The following SLC25A48 variants were observed in gnomAD, a reference collection of about 807,000 sequenced individuals.
SLC25A48 encodes CTC-321K16.1.
SLC25A48 carries 29 observed loss-of-function variants against 32.2 expected under a neutral mutation model. The observed-to-expected ratio is 0.90, with a 90% CI of 0.67 to 1.23. SLC25A48 has a LOEUF of 1.23. SLC25A48 is among the 50% of genes most tolerant of loss of function. The pLI, the probability that SLC25A48 is intolerant of heterozygous loss-of-function variation, is 0.00. For synonymous variants in SLC25A48, 164 were observed against 172.3 expected, an observed-to-expected ratio of 0.95 and a Z score of 0.38; for missense variants, 399 against 422.7, an observed-to-expected ratio of 0.94 and a Z score of 0.49.
At chr5:135,773,389 A>G (rs1756465690) in intron 3 of SLC25A48, among the ~76,000 whole-genome samples, 1 of 150,508 alleles carries the variant, frequency 6.6e-6, no homozygotes, top group Non-Finnish European at 1.5e-5. Flanking sequence ...ACCCCCTGTG[A>G]CAATATCATA....
Position 135,764,187 on chromosome 5 carries a change from C to T in SLC25A48, c.-520-48336C>T, listed in dbSNP as rs932184457. Among the ~76,000 whole-genome samples the T allele has an allele frequency of 3.3e-4, 50 of 151,918 alleles. 1 individual carries two copies. Among genetic ancestry groups the T allele is most frequent in the Admixed American group, 3.1e-3 (47 of 15,278 alleles). ...TTTCCATATGGCAGGGGGTGTACAT[C>T]CCCCAGTGATATGGTTCCTAATATC... On this transcript the variant is annotated intron_variant, in intron 3 of 10. Coordinates refer to the SLC25A48 transcript ENST00000646290.
chr5:135,643,425 G>A (rs1205812497), intron 3 of SLC25A48, among the ~76,000 whole-genome samples: 2 of 152,192 alleles, frequency 1.3e-5, no homozygotes, highest in African/African-American at 4.8e-5. Context: ...CCTCTGGGCT[G>A]GAAGTAAGGG....
chr5:135,602,098 G>T (rs911759113), intron 1 of SLC25A48, among the ~76,000 whole-genome samples: 19 of 152,184 alleles, frequency 1.2e-4, no homozygotes, highest in Admixed American at 2.6e-4. Context: ...TAAATAATGT[G>T]TACAGAGCCA....
rs192581520 is a variant in SLC25A48, at chr5:135,761,857, C to G, written c.-520-50666C>G. Among the ~76,000 whole-genome samples the G allele has an allele frequency of 2.0e-5, 3 of 152,308 alleles. No homozygotes were observed. In the East Asian group the frequency reaches 5.8e-4, roughly 29 times the overall value. On this transcript the variant is annotated intron_variant, in intron 3 of 10. Transcript: ENST00000646290. ...CCTGCGCCCCCCACTTGGCCTCCCACACTTTGGATGCTCCAGGCCAAGGTT... is the reference window on the plus strand; with the variant it reads ...CCTGCGCCCCCCACTTGGCCTCCCAGACTTTGGATGCTCCAGGCCAAGGTT...
intron 3 of SLC25A48, among the ~76,000 whole-genome samples, chr5:135,728,654 G>A (rs1173938592): frequency 6.6e-6 from 1 of 152,024 alleles, no homozygotes; most frequent in Non-Finnish European, 1.5e-5. Context: ...TACTTCCTCA[G>A]GAAAAACTTA....
In SLC25A48 at chr5:135,634,201, C is replaced by T. The variant is rs76564241; in HGVS notation, c.-708-568C>T. On this transcript the variant is annotated intron_variant, in intron 2 of 10. Coordinates refer to the SLC25A48 transcript ENST00000646290. ...TGTGCTTGGCCTGTGGACTATGCTG[C>T]CTCCTCAAGAGGGATGTGGTGGACA... 2.2e-3 allele frequency among the ~76,000 whole-genome samples: 341 copies of T among 152,306 alleles called. 5 individuals are homozygous for T. The highest frequency in any genetic ancestry group is 0.017 in the Middle Eastern group (5 of 294).
chr5:135,587,114 T>C (rs2126873255), intron 1 of SLC25A48, among the ~76,000 whole-genome samples: 1 of 152,264 alleles, frequency 6.6e-6, no homozygotes, highest in Non-Finnish European at 1.5e-5. Context: ...CATTGCAACC[T>C]CTGCCTCCCA....
intron 3 of SLC25A48, among the ~76,000 whole-genome samples, chr5:135,790,194 T>C (rs185632468): frequency 6.6e-6 from 1 of 151,904 alleles, no homozygotes; most frequent in Admixed American, 6.6e-5. Flanking sequence ...TTCATAATAA[T>C]CTAGGGGGAT....
Position 135,645,550 on chromosome 5 carries a change from C to T in SLC25A48, c.-521+10594C>T, listed in dbSNP as rs188778302. On this transcript the variant is annotated intron_variant, in intron 3 of 10. Coordinates refer to the SLC25A48 transcript ENST00000646290. ...ACTCTGAGTTGCTGTGACATGGTTG[C>T]GCAAGTGCCCTGAGTTCTGCCAAGT... Among the ~76,000 whole-genome samples, 452 of 152,302 alleles carry T rather than the reference C, an allele frequency of 3.0e-3. 2 individuals carry two copies. Among genetic ancestry groups the T allele is most frequent in the Non-Finnish European group, 4.2e-3 (289 of 68,024 alleles).
intron 3 of SLC25A48, among the ~76,000 whole-genome samples, chr5:135,758,485 T>C (rs2127015391): frequency 6.6e-6 from 1 of 151,040 alleles, no homozygotes; most frequent in African/African-American, 2.4e-5. Flanking sequence ...TTACTATCTC[T>C]AGTGTTAACA....
intron 1 of SLC25A48, among the ~76,000 whole-genome samples, chr5:135,611,718 A>G (rs559021516): frequency 1.3e-5 from 2 of 152,014 alleles, no homozygotes; most frequent in Non-Finnish European, 2.9e-5. Context: ...TCTCAAAAAG[A>G]CACAAACAAA....
intron 3 of SLC25A48, among the ~76,000 whole-genome samples, chr5:135,763,679 AC>A (rs1311244462): frequency 6.6e-6 from 1 of 151,748 alleles, no homozygotes; most frequent in Non-Finnish European, 1.5e-5. Flanking sequence ...ACTTGTCTAA[AC>A]TTTGTCTTTC....
In SLC25A48 at chr5:135,834,771, C is replaced by T. The variant is rs962247122; in HGVS notation, c.-77C>T. The T allele has an allele frequency of 9.0e-6, 13 of 1,450,156 alleles. No individual in the cohort carries two copies. The African/African-American group carries it at 1.4e-4, about 16-fold the overall frequency. The allele number at this position is 1,450,156 out of a possible 1,614,324, so 89.8% of individuals were successfully genotyped here. On this transcript the variant is annotated 5_prime_UTR_variant, in exon 1 of 8. Coordinates refer to ENST00000681962, the MANE Select transcript of SLC25A48 (RefSeq NM_001349336.2). ...TCCGACTTCGGTCTTGCGGCGCGCT[C>T]GCGCCCGCGGGCCATGCCCCACTGA...
At chr5:135,678,456 T>C (rs1040499203) in intron 3 of SLC25A48, among the ~76,000 whole-genome samples, 1 of 152,242 alleles carries the variant, frequency 6.6e-6, no homozygotes, top group African/African-American at 2.4e-5. Flanking sequence ...TTGTATTTTT[T>C]AAAATTCTCT....
intron 7 of SLC25A48, among the ~76,000 whole-genome samples, chr5:135,886,149 C>T (rs750115318): frequency 7.9e-5 from 12 of 152,084 alleles, no homozygotes; most frequent in Non-Finnish European, 7.3e-5. Context: ...TTTTACAGCA[C>T]ACATATATTG....
At chr5:135,754,483 A>G (rs998266970) in intron 3 of SLC25A48, among the ~76,000 whole-genome samples, 1 of 151,980 alleles carries the variant, frequency 6.6e-6, no homozygotes, top group Non-Finnish European at 1.5e-5. Flanking sequence ...CACAGTGCTT[A>G]CACACTGTGA....
intron 1 of SLC25A48, among the ~76,000 whole-genome samples, chr5:135,606,109 C>A (rs1360228234): frequency 6.6e-6 from 1 of 152,144 alleles, no homozygotes; most frequent in Non-Finnish European, 1.5e-5. Flanking sequence ...ACTGGATTTG[C>A]ATTGACATGA....
chr5:135,723,757 A>C (rs568374021), intron 3 of SLC25A48, among the ~76,000 whole-genome samples: 1 of 152,286 alleles, frequency 6.6e-6, no homozygotes, highest in South Asian at 2.1e-4. Context: ...TGCAGTCTTC[A>C]TAGGCATCGT....
intron 3 of SLC25A48, among the ~76,000 whole-genome samples, chr5:135,682,659 A>C (rs1753924861): frequency 6.6e-6 from 1 of 152,164 alleles, no homozygotes; most frequent in Non-Finnish European, 1.5e-5. Flanking sequence ...GAAGAAGAGA[A>C]AAAAGGGCTG....
Sources: gnomAD v4.1 joint callset for allele counts (sites outside exome capture counted in the v4.1 genomes callset) on GRCh38, gnomAD v4.1.1 for gene constraint, MANE v1.5 for transcripts, NCBI Gene and HGNC (gene_info 2026-07-23, HGNC 2026-07-21) for gene names.